PHRF1: variants seen among roughly 807,000 people sequenced by gnomAD.
PHRF1 encodes the protein PHD and ring finger domains 1.
Under a neutral mutation model 128.9 loss-of-function variants are expected in PHRF1, and 53 were observed. The ratio of observed to expected loss-of-function variants is 0.41; its 90% CI spans 0.33 to 0.52. The LOEUF (loss-of-function observed/expected upper bound fraction) is 0.52, where lower values mean the gene tolerates loss of function less well. PHRF1 is among the 20% of genes least tolerant of loss of function. The pLI is 0.21. For synonymous variants in PHRF1, 1,178 were observed against 980.6 expected, an observed-to-expected ratio of 1.20 and a Z score of -3.76; for missense variants, 2,503 against 2,284.5, an observed-to-expected ratio of 1.10 and a Z score of -1.95.
At position 606,296 on chromosome 11, in the gene PHRF1, G is replaced by C. The variant is rs1364414767; in HGVS notation, c.1455-146G>C. The C allele has an allele frequency of 4.5e-6, 5 of 1,104,522 alleles. No homozygotes were observed. In the African/African-American group the frequency reaches 6.5e-5, roughly 14 times the overall value. 68.4% of individuals were successfully genotyped at this position (1,104,522 alleles called of 1,614,324 possible). On this transcript the variant is annotated intron_variant, in intron 12 of 17. Coordinates refer to ENST00000264555, the MANE Select transcript of PHRF1 (RefSeq NM_001286581.2). Reference sequence around the variant, plus strand: ...GCCCCGGTGAGCACCTCTTAGAACAGCAGCCGGAGCCAGGGCTGTGGGGGA... The same window carrying C: ...GCCCCGGTGAGCACCTCTTAGAACACCAGCCGGAGCCAGGGCTGTGGGGGA...
chr11:596,284 G>A (rs1026899959), intron 6 of PHRF1, among the ~76,000 whole-genome samples: 1 of 152,156 alleles, frequency 6.6e-6, no homozygotes, highest in Non-Finnish European at 1.5e-5. Flanking sequence ...CATACCAGTG[G>A]CAGCACTTCC....
Position 607,368 on chromosome 11 carries a change from C to T in PHRF1, c.1912C>T (p.His638Tyr). 1 of 1,612,820 alleles carries T rather than the reference C, an allele frequency of 6.2e-7. No homozygotes were observed. Among genetic ancestry groups the T allele is most frequent in the Non-Finnish European group, 8.5e-7 (1 of 1,179,892 alleles). The change falls in exon 14 of 18, where the codon CAC becomes TAC. Residue 638 changes from histidine to tyrosine, a missense_variant. Coordinates refer to ENST00000264555, the MANE Select transcript of PHRF1 (RefSeq NM_001286581.2). Reference protein sequence around the residue: ...HSPWFNGTNKHTLPLASAASK... With the variant: ...HSPWFNGTNKYTLPLASAASK... Reference sequence around the variant, plus strand: ...CCCCTGGTTCAACGGCACCAACAAGCACACCTTGCCCCTTGCCTCTGCCGC... The same window carrying T: ...CCCCTGGTTCAACGGCACCAACAAGTACACCTTGCCCCTTGCCTCTGCCGC...
Position 597,627 on chromosome 11 carries a change from G to A in PHRF1, c.894+57G>A, listed in dbSNP as rs575794714. On this transcript the variant is annotated intron_variant, in intron 8 of 17. Transcript: ENST00000264555. This position sits in a 1 kb window ranked among gnomAD's most constrained non-coding sequence, Gnocchi z 6.5. The stretch of plus-strand genomic sequence containing the variant: ...AACCCCAGCTGCCCAGAGTGATCTC[G>A]GCAGTCTGGGTGGGTGGGAGGGGCG... 329 of 1,537,886 alleles carry A rather than the reference G, an allele frequency of 2.1e-4. 4 individuals carry two copies. In the South Asian group the frequency reaches 2.9e-3, roughly 14 times the overall value.
chr11:606,711 C>A, intron 13 of PHRF1, 115 bp downstream of exon 13: 2 of 1,370,884 alleles, frequency 1.5e-6, no homozygotes, highest in South Asian at 1.5e-5. Flanking sequence ...TTGGGGGGAC[C>A]ATTCCTCAGC....
In PHRF1 at chr11:609,081, G is replaced by A; in HGVS notation, c.3625G>A (p.Gly1209Arg). The A allele has an allele frequency of 6.2e-7, 1 of 1,602,482 alleles. No homozygotes were observed. Among genetic ancestry groups the A allele is most frequent in the Non-Finnish European group, 8.5e-7 (1 of 1,175,188 alleles). ...REASPAPLAQ[G>R]EPGREDLPTR... ...GGCTTCCCCAGCGCCCCTTGCACAG[G>A]GGGAGCCAGGGCGGGAAGACCTCCC... is the stretch of plus-strand genomic sequence containing the variant. The change falls in exon 14 of 18, where the codon GGG becomes AGG. Residue 1209 changes from glycine to arginine, a missense_variant. Transcript: ENST00000264555.
At chr11:595,541 G>A (rs1258269717) in intron 6 of PHRF1, among the ~76,000 whole-genome samples, 1 of 152,186 alleles carries the variant, frequency 6.6e-6, no homozygotes, top group Non-Finnish European at 1.5e-5. Flanking sequence ...TGGAGCCATG[G>A]GTGCCTGCAC....
chr11:607,842 T>C lies in PHRF1; in HGVS notation c.2386T>C (p.Phe796Leu), dbSNP rs765859508. 2 of 1,612,798 alleles carry C rather than the reference T, an allele frequency of 1.2e-6. No individual in the cohort carries two copies. Among genetic ancestry groups the C allele is most frequent in the Non-Finnish European group, 1.7e-6 (2 of 1,179,872 alleles). The change falls in exon 14 of 18, where the codon TTC becomes CTC. Residue 796 changes from phenylalanine (F) to leucine (L), a missense_variant. Transcript: ENST00000264555. The part of the protein sequence containing the change: ...AHSSQLSSPG[F>L]CNTFRPVDDK... ...TTCCAGCCAGCTCTCCAGCCCTGGC[T>C]TCTGTAACACGTTCCGGCCTGTGGA...
intron 1 of PHRF1, among the ~76,000 whole-genome samples, chr11:579,285 G>A (rs1400158211): frequency 8.9e-6 from 1 of 112,428 alleles, no homozygotes; most frequent in Non-Finnish European, 1.9e-5. Context: ...TATCTCTTAG[G>A]TGGTCTCTTT....
rs565258131 is a variant in PHRF1 at position 587,624 on chromosome 11, G to A, written c.420+160G>A. Among the ~76,000 whole-genome samples, 5 of 152,268 alleles carry A rather than the reference G, an allele frequency of 3.3e-5. No homozygotes were observed. In the South Asian group the frequency reaches 8.3e-4, roughly 25 times the overall value. On this transcript the variant is annotated intron_variant, in intron 4 of 17. Transcript: ENST00000264555. ...GTCTGGCTTGGTCTTTGCTTTGTGAGCACCATGGCTCTTGGGGGTGTGGGT... is the reference window on the plus strand; with the variant it reads ...GTCTGGCTTGGTCTTTGCTTTGTGAACACCATGGCTCTTGGGGGTGTGGGT...
At chr11:610,370 T>C (rs1403436255) in intron 15 of PHRF1, 23 bp downstream of exon 15, 4 of 1,545,866 alleles carry the variant, frequency 2.6e-6, no homozygotes, top group African/African-American at 2.7e-5. Context: ...GCTGGAGGGC[T>C]GTGGGCCGTG....
chr11:606,968 C>A, intron 13 of PHRF1, 98 bp from the exon 14 acceptor site: 1 of 1,499,202 alleles, frequency 6.7e-7, no homozygotes, highest in South Asian at 1.4e-5. Context: ...GTTTAAAGCG[C>A]ACGACCTCAC....
At chr11:602,155 G>T (rs963995141) in intron 10 of PHRF1, among the ~76,000 whole-genome samples, 6 of 152,176 alleles carry the variant, frequency 3.9e-5, no homozygotes, top group Non-Finnish European at 5.9e-5. Context: ...GCTGGGCCCT[G>T]GGAGCGGCCT....
chr11:582,632 C>G (rs1854274766), intron 3 of PHRF1, among the ~76,000 whole-genome samples: 1 of 151,990 alleles, frequency 6.6e-6, no homozygotes, highest in Non-Finnish European at 1.5e-5. Flanking sequence ...TCACACCATT[C>G]TCCTGCCTCA....
chr11:611,506 T>A (rs1224381787), intron 17 of PHRF1, 128 bp from the exon 18 acceptor site: 61 of 1,349,080 alleles, frequency 4.5e-5, no homozygotes, highest in Non-Finnish European at 6.0e-5. Context: ...TGCCGCCGTC[T>A]GTCTGCGTGC....
intron 9 of PHRF1, among the ~76,000 whole-genome samples, chr11:599,253 C>CTTTTTTTTTTTTTTTTTTT (rs754658303): frequency 4.0e-4 from 42 of 104,998 alleles, no homozygotes; most frequent in Non-Finnish European, 6.1e-4. Flanking sequence ...TTTTTCTTTT[C>CTTTTTTTTTTTTTTTTTTT]TTTTTTTTTT....
At chr11:590,531 T>C (rs1262454555) in intron 4 of PHRF1, among the ~76,000 whole-genome samples, 2 of 152,198 alleles carry the variant, frequency 1.3e-5, no homozygotes, top group African/African-American at 2.4e-5. Flanking sequence ...GGGTGGGTAC[T>C]CCACAGGTTG....
At chr11:599,413 C>T (rs892222317) in intron 9 of PHRF1, among the ~76,000 whole-genome samples, 2 of 151,760 alleles carry the variant, frequency 1.3e-5, no homozygotes, top group Non-Finnish European at 2.9e-5. Flanking sequence ...ACCACACCCA[C>T]CTAGTTTTTG....
At position 581,989 on chromosome 11, in the gene PHRF1, A is replaced by T; in HGVS notation, c.122A>T (p.Asp41Val). The stretch of plus-strand genomic sequence containing the variant: ...GAAAGCAGCGTGGGCAGCAGTGGGG[A>T]CTCTGGGGACGACAGTGACAGCGAG... ...FEESSVGSSG[D>V]SGDDSDSEHG... Residue 41 changes from aspartate to valine, a missense_variant, in exon 3 of 18, where the codon GAC becomes GTC. By Grantham distance (152) the Asp-to-Val change is radical. Transcript: ENST00000264555. The T allele has an allele frequency of 6.2e-7, 1 of 1,606,348 alleles. No homozygotes were observed. Among genetic ancestry groups the T allele is most frequent in the Non-Finnish European group, 8.5e-7 (1 of 1,176,600 alleles).
chr11:606,761 A>C lies in PHRF1; in HGVS notation c.1609+165A>C, dbSNP rs551859898. On this transcript the variant is annotated intron_variant, in intron 13 of 17. Transcript: ENST00000264555. ...GATTTCCCTTCTTGAGCAGTTTCTC[A>C]GTTAGCTCCGAGTTCTTACCCAGCC... The C allele has an allele frequency of 2.1e-5, 23 of 1,111,032 alleles. No homozygotes were observed. The African/African-American group carries it at 2.5e-4, about 12-fold the overall frequency. The allele number at this position is 1,111,032 out of a possible 1,614,324, so 68.8% of individuals were successfully genotyped here.
Sources: allele counts gnomAD v4.1 joint callset (sites outside exome capture counted in the v4.1 genomes callset), GRCh38; gene constraint gnomAD v4.1.1; non-coding constraint Gnocchi (gnomAD v3.1); transcripts MANE v1.5; gene names NCBI Gene and HGNC (gene_info 2026-07-23, HGNC 2026-07-21).